Variants in RPGRIP1 observed in about 807,000 individuals in gnomAD.
RPGRIP1 encodes the protein RPGR interacting protein 1, also known as X-linked retinitis pigmentosa GTPase regulator-interacting protein 1.
Under a neutral mutation model 157.9 loss-of-function variants are expected in RPGRIP1, and 128 were observed. The ratio of observed to expected loss-of-function variants is 0.81; its 90% CI spans 0.70 to 0.94. RPGRIP1 has a LOEUF of 0.94. RPGRIP1 is among the 40% of genes least tolerant of loss of function. The pLI is 0.00. For synonymous variants in RPGRIP1, 554 were observed against 571.6 expected, an observed-to-expected ratio of 0.97 and a Z score of 0.44; for missense variants, 1,486 against 1,545.8, an observed-to-expected ratio of 0.96 and a Z score of 0.65.
intron 15 of RPGRIP1, 80 bp downstream of exon 15, chr14:21,325,150 T>A: frequency 6.5e-7 from 1 of 1,539,666 alleles, no homozygotes; most frequent in African/African-American, 1.4e-5. Flanking sequence ...TCTGGTGGTT[T>A]CTTATTTTCT....
At chr14:21,300,027 G>A (rs1880955872) in intron 3 of RPGRIP1, among the ~76,000 whole-genome samples, 1 of 152,172 alleles carries the variant, frequency 6.6e-6, no homozygotes, top group Admixed American at 6.5e-5. Context: ...CGGGCGCGGT[G>A]GCTCACGCAT....
chr14:21,347,771 C>T (rs2139363831), intron 23 of RPGRIP1, among the ~76,000 whole-genome samples: 1 of 152,256 alleles, frequency 6.6e-6, no homozygotes, highest in Non-Finnish European at 1.5e-5. Context: ...TTCTGTCACC[C>T]AGGTTGAAGT....
At chr14:21,330,991 G>T (rs1279526965) in intron 20 of RPGRIP1, among the ~76,000 whole-genome samples, 1 of 151,654 alleles carries the variant, frequency 6.6e-6, no homozygotes, top group Non-Finnish European at 1.5e-5. Context: ...CTCACTGCAA[G>T]CTCTGCCTCC....
intron 23 of RPGRIP1, 86 bp from the exon 24 acceptor site, chr14:21,348,086 A>ATTGT: frequency 9.0e-7 from 1 of 1,114,706 alleles, no homozygotes; most frequent in Admixed American, 3.6e-5. Flanking sequence ...AAGACGTTGT[A>ATTGT]TTGTTTATGA....
At chr14:21,284,537 T>TA (rs1374172670) in intron 1 of RPGRIP1, among the ~76,000 whole-genome samples, 1 of 108,028 alleles carries the variant, frequency 9.3e-6, no homozygotes, top group African/African-American at 3.6e-5. Flanking sequence ...GCTGGAGAAC[T>TA]AAATTTTTTT....
rs371038250 is a variant in RPGRIP1 at position 21,322,026 on chromosome 14, T to C, written c.1762+22T>C. On this transcript the variant is annotated intron_variant, in intron 14 of 24. Transcript: ENST00000400017. ...TCTGGCAAGTCTTAGTCCTTTGTTCTCCTCACTTCGGGACCCTTCCACAGC... is the reference window on the plus strand; with the variant it reads ...TCTGGCAAGTCTTAGTCCTTTGTTCCCCTCACTTCGGGACCCTTCCACAGC... 5.0e-6 allele frequency: 8 copies of C among 1,602,278 alleles called. No homozygotes were observed. In the African/African-American group the frequency reaches 8.1e-5, roughly 16 times the overall value.
At chr14:21,314,996 C>A (rs1450617560) in intron 10 of RPGRIP1, among the ~76,000 whole-genome samples, 4 of 151,364 alleles carry the variant, frequency 2.6e-5, no homozygotes, top group African/African-American at 9.7e-5. Context: ...TGCACTCCAG[C>A]CTGAGCAACA....
chr14:21,294,819 G>C lies in RPGRIP1; in HGVS notation c.218+10G>C. On this transcript the variant is annotated intron_variant, in intron 3 of 24. Coordinates refer to ENST00000400017, the MANE Select transcript of RPGRIP1 (RefSeq NM_020366.4). ...AGGATGAGATCAAAAGGTACTTAGA[G>C]TTCTCCTTAAATTTTTTTTTTTTTT... 2 of 883,470 alleles carry C rather than the reference G, an allele frequency of 2.3e-6. No homozygotes were observed. Among genetic ancestry groups the C allele is most frequent in the Non-Finnish European group, 3.3e-6 (2 of 612,316 alleles). 54.7% of individuals were successfully genotyped at this position (883,470 alleles called of 1,614,324 possible). A position where few individuals can be genotyped will look rare whatever the true frequency, so the allele number is the denominator to read the frequency against.
chr14:21,300,342 C>G (rs1045744305), intron 3 of RPGRIP1, among the ~76,000 whole-genome samples: 1 of 149,830 alleles, frequency 6.7e-6, no homozygotes, highest in Admixed American at 6.7e-5. Context: ...CACCCAATGT[C>G]CAGATACAGT....
At chr14:21,297,870 T>TTTCTTTCTTTC (rs1411786427) in intron 3 of RPGRIP1, among the ~76,000 whole-genome samples, 3 of 151,290 alleles carry the variant, frequency 2.0e-5, no homozygotes, top group Non-Finnish European at 4.4e-5. Flanking sequence ...TCTTTCTTTC[T>TTTCTTTCTTTC]TTCTTTCTTT....
chr14:21,341,539 T>A (rs1479176801), intron 21 of RPGRIP1, among the ~76,000 whole-genome samples: 1 of 151,950 alleles, frequency 6.6e-6, no homozygotes, highest in Non-Finnish European at 1.5e-5. Context: ...CACTCACAGA[T>A]AGAGGGGAGA....
chr14:21,327,305 ATAATAG>A (rs1883214316), intron 17 of RPGRIP1, among the ~76,000 whole-genome samples: 1 of 152,158 alleles, frequency 6.6e-6, no homozygotes, highest in Non-Finnish European at 1.5e-5. Flanking sequence ...TAAGCATTTG[ATAATAG>A]TAATAATAAT....
chr14:21,294,349 G>A (rs1566668339), intron 2 of RPGRIP1, among the ~76,000 whole-genome samples: 1 of 151,610 alleles, frequency 6.6e-6, no homozygotes. Flanking sequence ...TCCTGCCTCA[G>A]CCTCCTGAGT....
chr14:21,334,494 A>T, intron 20 of RPGRIP1, 111 bp from the exon 21 acceptor site: 1 of 758,814 alleles, frequency 1.3e-6, no homozygotes, highest in Non-Finnish European at 2.3e-6. Flanking sequence ...GGCAAAATCT[A>T]GACACTCGGA....
intron 1 of RPGRIP1, among the ~76,000 whole-genome samples, chr14:21,287,296 A>G (rs375330612): frequency 1.6e-4 from 24 of 152,102 alleles, no homozygotes; most frequent in Admixed American, 1.5e-3. Context: ...TAGACTGGAT[A>G]CTATCATCCA....
At chr14:21,288,180 CT>C (rs35862339) in intron 2 of RPGRIP1, 119 bp downstream of exon 2, 73,300 of 482,358 alleles carry the variant, frequency 0.15, 14 homozygotes, top group Middle Eastern at 0.18. Flanking sequence ...AGTCTTCTCA[CT>C]TTTTTTTTTT....
Position 21,351,275 on chromosome 14 carries a change from T to A in RPGRIP1, c.*59T>A. On this transcript the variant is annotated 3_prime_UTR_variant, in exon 25 of 25. Transcript: ENST00000400017. The stretch of plus-strand genomic sequence containing the variant: ...GAGGGAACCATAGTAAAAAGTCTCT[T>A]ATAAAGTTAGCTTGCTATAACATGA... 9.6e-7 allele frequency: 1 copy of A among 1,036,766 alleles called. No individual in the cohort carries two copies. The highest frequency in any genetic ancestry group is 1.4e-5 in the South Asian group (1 of 72,188). 64.2% of individuals were successfully genotyped at this position (1,036,766 alleles called of 1,614,324 possible).
chr14:21,306,953 T>C (rs913079990), intron 6 of RPGRIP1, among the ~76,000 whole-genome samples: 1 of 151,436 alleles, frequency 6.6e-6, no homozygotes, highest in African/African-American at 2.4e-5. Flanking sequence ...TTTTTGTATT[T>C]TTAGTAGAGA....
Position 21,317,855 on chromosome 14 carries a change from G to T in RPGRIP1, c.1306+5G>T. 1 of 1,598,534 alleles carries T rather than the reference G, an allele frequency of 6.3e-7. No individual in the cohort carries two copies. The highest frequency in any genetic ancestry group is 1.1e-5 in the South Asian group (1 of 88,374). On this transcript the variant is annotated splice_donor_5th_base_variant and intron_variant, in intron 11 of 24. Coordinates refer to ENST00000400017, the MANE Select transcript of RPGRIP1 (RefSeq NM_020366.4). ...TTGAGCTGTCCAGGGAGAAAGGTAG[G>T]CTGGACCTTGAAGAGCTCTCTCAAA... is the stretch of plus-strand genomic sequence containing the variant.
Sources: gnomAD v4.1 joint callset for allele counts (sites outside exome capture counted in the v4.1 genomes callset) on GRCh38, gnomAD v4.1.1 for gene constraint, MANE v1.5 for transcripts, NCBI Gene and HGNC (gene_info 2026-07-23, HGNC 2026-07-21) for gene names.